The following CCSER1 variants were observed in gnomAD, a reference collection of about 807,000 sequenced individuals.
The protein encoded by CCSER1 is serine-rich coiled-coil domain-containing protein 1.
CCSER1 carries 41 observed loss-of-function variants against 82.0 expected under a neutral mutation model. The observed-to-expected ratio is 0.50, with a 90% CI of 0.39 to 0.65. CCSER1 has a LOEUF of 0.65. Among genes scored for constraint, CCSER1 ranks in the 30% least tolerant of loss-of-function variants. The pLI is 0.00. For synonymous variants in CCSER1, 414 were observed against 383.9 expected (o/e 1.08, Z -0.92); for missense variants, 1,119 against 1,064.2 (o/e 1.05, Z -0.72).
At chr4:91,154,215 C>T (rs748957792) in intron 10 of CCSER1, among the ~76,000 whole-genome samples, 9 of 152,024 alleles carry the variant, frequency 5.9e-5, no homozygotes, top group Admixed American at 2.6e-4. Context: ...GTATGGCAAA[C>T]GCCCCTCCCC....
intron 10 of CCSER1, among the ~76,000 whole-genome samples, chr4:91,586,705 A>G (rs1317816402): frequency 1.3e-5 from 2 of 151,760 alleles, no homozygotes; most frequent in African/African-American, 2.4e-5. Context: ...AAAGAAGGCA[A>G]TTCTTTTAAA....
chr4:90,980,330 G>C (rs1417054698), intron 9 of CCSER1, among the ~76,000 whole-genome samples: 1 of 151,750 alleles, frequency 6.6e-6, no homozygotes, highest in Non-Finnish European at 1.5e-5. Flanking sequence ...GAACAGCACA[G>C]AGCCCAATGT....
intron 10 of CCSER1, among the ~76,000 whole-genome samples, chr4:91,383,608 C>A (rs996818563): frequency 6.6e-6 from 1 of 152,032 alleles, no homozygotes; most frequent in African/African-American, 2.4e-5. Flanking sequence ...CACTTTTGTG[C>A]TATAGTTTCA....
intron 5 of CCSER1, among the ~76,000 whole-genome samples, chr4:90,611,177 G>A (rs113878675): frequency 0.012 from 1,836 of 148,422 alleles, 34 homozygotes; most frequent in African/African-American, 0.044. Context: ...GGAATTACAG[G>A]CGTGAGCCAC....
intron 10 of CCSER1, among the ~76,000 whole-genome samples, chr4:91,237,332 T>C (rs1739092611): frequency 6.6e-6 from 1 of 151,338 alleles, no homozygotes; most frequent in Admixed American, 6.6e-5. Flanking sequence ...TACTTATTTA[T>C]CTCAAAAAAA....
chr4:90,859,886 G>C (rs549720354), intron 8 of CCSER1, among the ~76,000 whole-genome samples: 2 of 151,586 alleles, frequency 1.3e-5, no homozygotes, highest in African/African-American at 4.8e-5. Flanking sequence ...CATATGTATG[G>C]CTTAGTCCTC....
At chr4:90,685,356 C>T (rs1276377579) in intron 6 of CCSER1, among the ~76,000 whole-genome samples, 2 of 152,036 alleles carry the variant, frequency 1.3e-5, no homozygotes, top group African/African-American at 4.8e-5. Flanking sequence ...TTTCCTGTGA[C>T]CCTGGTAGAT....
intron 10 of CCSER1, among the ~76,000 whole-genome samples, chr4:91,342,795 T>C: frequency 6.6e-6 from 1 of 152,088 alleles, no homozygotes; most frequent in Non-Finnish European, 1.5e-5. Context: ...AATGTATACA[T>C]TCCCTGGTCA....
chr4:90,411,481 A>G lies in CCSER1; in HGVS notation c.1603+11352A>G, dbSNP rs563498205. On this transcript the variant is annotated intron_variant, in intron 4 of 10. Transcript: ENST00000509176. Reference sequence around the variant, plus strand: ...AGGCTGGTTCAACATACGAAAATCAATAAACGTAATCCAGCATATAAACAG... The same window carrying G: ...AGGCTGGTTCAACATACGAAAATCAGTAAACGTAATCCAGCATATAAACAG... Among the ~76,000 whole-genome samples the G allele has an allele frequency of 8.5e-5, 13 of 152,356 alleles. No individual in the cohort carries two copies. The South Asian group carries it at 2.3e-3, about 27-fold the overall frequency.
chr4:91,031,365 C>G (rs6819979), intron 9 of CCSER1, among the ~76,000 whole-genome samples: 17,593 of 152,128 alleles, frequency 0.12, 2,076 homozygotes, highest in African/African-American at 0.31. Flanking sequence ...ACTTTATGAT[C>G]TGGGTCTACT....
At chr4:91,330,302 G>C (rs1275527280) in intron 10 of CCSER1, among the ~76,000 whole-genome samples, 1 of 152,126 alleles carries the variant, frequency 6.6e-6, no homozygotes, top group Non-Finnish European at 1.5e-5. Flanking sequence ...AAATTACAGA[G>C]ATAGATTAAT....
intron 10 of CCSER1, among the ~76,000 whole-genome samples, chr4:91,162,119 T>G: frequency 6.6e-6 from 1 of 152,300 alleles, no homozygotes. Flanking sequence ...ATACCTAGTT[T>G]ATTGAGAGTT....
chr4:90,999,563 T>A (rs1737807598), intron 9 of CCSER1, among the ~76,000 whole-genome samples: 1 of 152,220 alleles, frequency 6.6e-6, no homozygotes, highest in African/African-American at 2.4e-5. Context: ...TTCTGCCCGC[T>A]TTTTAATGGG....
intron 10 of CCSER1, among the ~76,000 whole-genome samples, chr4:91,553,533 G>A (rs570067730): frequency 5.6e-4 from 84 of 150,058 alleles, no homozygotes; most frequent in Non-Finnish European, 9.8e-4. Context: ...TCTCTTCGTC[G>A]GGAGATATTT....
intron 10 of CCSER1, among the ~76,000 whole-genome samples, chr4:91,099,204 T>G (rs141125114): frequency 1.6e-3 from 249 of 152,356 alleles, no homozygotes; most frequent in African/African-American, 5.9e-3. Context: ...GATCCCATTC[T>G]TAGTTTCTGT....
intron 4 of CCSER1, among the ~76,000 whole-genome samples, chr4:90,417,615 T>G (rs970270984): frequency 1.3e-5 from 2 of 152,198 alleles, no homozygotes; most frequent in Non-Finnish European, 2.9e-5. Flanking sequence ...GCAGTGTCTC[T>G]TGGTATATAT....
intron 4 of CCSER1, among the ~76,000 whole-genome samples, chr4:90,436,937 G>C (rs1759088213): frequency 6.6e-6 from 1 of 151,724 alleles, no homozygotes; most frequent in South Asian, 2.1e-4. Context: ...CTCCCGAGTA[G>C]CTGGGACTAC....
chr4:91,258,430 T>G (rs941476721), intron 10 of CCSER1, among the ~76,000 whole-genome samples: 1 of 152,072 alleles, frequency 6.6e-6, no homozygotes, highest in Non-Finnish European at 1.5e-5. Context: ...CTATGCTTCC[T>G]GCATTAAGCA....
intron 8 of CCSER1, among the ~76,000 whole-genome samples, chr4:90,915,772 C>G (rs1727281762): frequency 6.6e-6 from 1 of 152,174 alleles, no homozygotes; most frequent in South Asian, 2.1e-4. Context: ...ACCCCATTGT[C>G]TCAGCCCAAA....
Sources: allele counts gnomAD v4.1 joint callset (sites outside exome capture counted in the v4.1 genomes callset), GRCh38; gene constraint gnomAD v4.1.1; transcripts MANE v1.5; gene names NCBI Gene and HGNC (gene_info 2026-07-23, HGNC 2026-07-21).